The following CRPPA variants were observed in gnomAD, a reference collection of about 807,000 sequenced individuals.
The protein encoded by CRPPA is D-ribitol-5-phosphate cytidylyltransferase.
CRPPA carries 43 observed loss-of-function variants against 52.0 expected under a neutral mutation model. The observed-to-expected ratio is 0.83, with a 90% CI of 0.65 to 1.07. The LOEUF (loss-of-function observed/expected upper bound fraction) is 1.07, where lower values mean the gene tolerates loss of function less well. CRPPA is among the 50% of genes least tolerant of loss of function. The pLI is 0.00. For synonymous variants in CRPPA, 250 were observed against 203.5 expected (o/e 1.23, Z -1.94); for missense variants, 629 against 551.7 (o/e 1.14, Z -1.40).
At chr7:16,359,909 T>C (rs1221392110) in intron 3 of CRPPA, among the ~76,000 whole-genome samples, 2 of 152,176 alleles carry the variant, frequency 1.3e-5, no homozygotes, top group East Asian at 3.9e-4. Flanking sequence ...ACTTTTCCAA[T>C]ACAACACCAT....
chr7:16,382,888 T>C (rs1787148945), intron 2 of CRPPA, among the ~76,000 whole-genome samples: 1 of 152,172 alleles, frequency 6.6e-6, no homozygotes, highest in South Asian at 2.1e-4. Context: ...TAGTTATACA[T>C]TCGTCTAAAT....
chr7:16,286,066 T>TTTAAAAAAAAAAAAAAAAAAAA (rs1562608525), intron 5 of CRPPA, among the ~76,000 whole-genome samples: 1 of 25,842 alleles, frequency 3.9e-5, no homozygotes, highest in African/African-American at 2.3e-4. Context: ...TATATATATA[T>TTTAAAAAAAAAAAAAAAAAAAA]ATATATATAT....
Position 16,153,383 on chromosome 7 carries a change from T to A in CRPPA, c.1252-61584A>T, listed in dbSNP as rs112977742. ...TTTTTCACATTTCTAAAAGTTTTTT[T>A]AAAAAAAGAAATAAGAATATATGAT... On this transcript the variant is annotated intron_variant, in intron 9 of 9. Coordinates refer to ENST00000407010, the MANE Select transcript of CRPPA (RefSeq NM_001101426.4). 2.9e-3 allele frequency among the ~76,000 whole-genome samples: 448 copies of A among 152,092 alleles called. 2 individuals carry two copies. The highest frequency in any genetic ancestry group is 0.01 in the African/African-American group (436 of 41,534).
chr7:16,330,088 T>C (rs1252416840), intron 3 of CRPPA, among the ~76,000 whole-genome samples: 3 of 152,230 alleles, frequency 2.0e-5, no homozygotes, highest in Non-Finnish European at 2.9e-5. Flanking sequence ...AAGATCACAA[T>C]GAAATGTATT....
At chr7:16,239,137 C>CAAAAAAAAAAAAAAAAA (rs35537101) in intron 8 of CRPPA, among the ~76,000 whole-genome samples, 16 of 88,504 alleles carry the variant, frequency 1.8e-4, no homozygotes, top group East Asian at 3.6e-4. Flanking sequence ...GACTCTGTCT[C>CAAAAAAAAAAAAAAAAA]AAAAAAAAAA....
chr7:16,236,882 A>G (rs1054370025), intron 8 of CRPPA, among the ~76,000 whole-genome samples: 1 of 152,116 alleles, frequency 6.6e-6, no homozygotes, highest in Non-Finnish European at 1.5e-5. Context: ...TTAAAATTCA[A>G]TATTAAGAAA....
intron 9 of CRPPA, among the ~76,000 whole-genome samples, chr7:16,146,762 A>G (rs1782982270): frequency 6.6e-6 from 1 of 152,074 alleles, no homozygotes; most frequent in South Asian, 2.1e-4. Context: ...TGTATAATAG[A>G]CACACAAAAG....
intron 2 of CRPPA, among the ~76,000 whole-genome samples, chr7:16,379,278 T>C (rs554522382): frequency 6.6e-6 from 1 of 152,208 alleles, no homozygotes; most frequent in Non-Finnish European, 1.5e-5. Flanking sequence ...TTGAATTAAT[T>C]TGTCAAAGAT....
chr7:16,314,448 T>G (rs1317415063), intron 3 of CRPPA, among the ~76,000 whole-genome samples: 1 of 152,100 alleles, frequency 6.6e-6, no homozygotes, highest in African/African-American at 2.4e-5. Flanking sequence ...GTTGCTATTA[T>G]TGTTTTGAAC....
intron 3 of CRPPA, among the ~76,000 whole-genome samples, chr7:16,364,685 C>G (rs752487970): frequency 6.6e-6 from 1 of 152,168 alleles, no homozygotes; most frequent in Non-Finnish European, 1.5e-5. Context: ...CACCACAAAA[C>G]ATCCAGATTT....
Position 16,421,161 on chromosome 7 carries a change from C to G in CRPPA, c.162G>C (p.Gly54=). The change falls in exon 1 of 10, where the codon GGG becomes GGC. Residue 54 remains glycine (G), a synonymous_variant. Transcript: ENST00000407010. ...GGACCCCCATCCTCTCCCCGCACCCCCCGGCAGGCAACACAGCTGCCACGG... is the reference window on the plus strand; with the variant it reads ...GGACCCCCATCCTCTCCCCGCACCCGCCGGCAGGCAACACAGCTGCCACGG... ...PQAVAAVLPA[G]GCGERMGVPT... is the part of the protein sequence containing the mutation. The G allele has an allele frequency of 1.5e-6, 2 of 1,338,756 alleles. No individual in the cohort carries two copies. Among genetic ancestry groups the G allele is most frequent in the Non-Finnish European group, 1.9e-6 (2 of 1,039,846 alleles). 82.9% of individuals were successfully genotyped at this position (1,338,756 alleles called of 1,614,324 possible). A position where few individuals can be genotyped will look rare whatever the true frequency, so the allele number is the denominator to read the frequency against.
intron 5 of CRPPA, among the ~76,000 whole-genome samples, chr7:16,292,410 G>A (rs936945359): frequency 6.6e-6 from 1 of 151,886 alleles, no homozygotes; most frequent in African/African-American, 2.4e-5. Context: ...AGACACGGAG[G>A]CTTTTCCAAG....
At chr7:16,404,539 TCAA>T (rs1161652832) in intron 2 of CRPPA, among the ~76,000 whole-genome samples, 2 of 151,160 alleles carry the variant, frequency 1.3e-5, no homozygotes, top group African/African-American at 4.9e-5. Context: ...TGCTTATTAC[TCAA>T]CAACAACAAA....
intron 5 of CRPPA, among the ~76,000 whole-genome samples, chr7:16,296,652 G>A (rs1190220720): frequency 6.6e-6 from 1 of 151,560 alleles, no homozygotes; most frequent in Non-Finnish European, 1.5e-5. Context: ...TCCTAGAAAG[G>A]AAATCTGTTA....
intron 3 of CRPPA, among the ~76,000 whole-genome samples, chr7:16,313,765 G>C (rs1008886202): frequency 6.6e-6 from 1 of 151,814 alleles, no homozygotes; most frequent in African/African-American, 2.4e-5. Flanking sequence ...TTTTTTATGT[G>C]TGTTATTTAA....
chr7:16,397,822 C>T (rs538695834), intron 2 of CRPPA, among the ~76,000 whole-genome samples: 42 of 152,266 alleles, frequency 2.8e-4, no homozygotes, highest in African/African-American at 6.7e-4. Flanking sequence ...ATGTGACTGA[C>T]GTGATCCACA....
chr7:16,182,245 A>G (rs111742954), intron 9 of CRPPA, among the ~76,000 whole-genome samples: 5,264 of 151,982 alleles, frequency 0.035, 303 homozygotes, highest in African/African-American at 0.12. Flanking sequence ...ATCAACTATT[A>G]TATAATTTTA....
chr7:16,398,268 G>T (rs1222692803), intron 2 of CRPPA, among the ~76,000 whole-genome samples: 4 of 151,756 alleles, frequency 2.6e-5, no homozygotes, highest in African/African-American at 9.7e-5. Context: ...CACGTGACCA[G>T]TGCATGATTG....
At chr7:16,358,716 T>A (rs1786368083) in intron 3 of CRPPA, among the ~76,000 whole-genome samples, 1 of 152,214 alleles carries the variant, frequency 6.6e-6, no homozygotes, top group African/African-American at 2.4e-5. Context: ...ATCTTGGCAT[T>A]CAACAGTATA....
Sources: gnomAD v4.1 joint callset for allele counts (sites outside exome capture counted in the v4.1 genomes callset) on GRCh38, gnomAD v4.1.1 for gene constraint, MANE v1.5 for transcripts, NCBI Gene and HGNC (gene_info 2026-07-23, HGNC 2026-07-21) for gene names.